Variants in BCO2 observed in about 807,000 individuals in gnomAD.
The protein encoded by BCO2 is carotenoid-cleaving dioxygenase, mitochondrial.
In BCO2, 56 loss-of-function variants were observed where a neutral mutation model predicts 65.8. The observed-to-expected ratio is 0.85, with a 90% CI of 0.69 to 1.06. BCO2 has a LOEUF of 1.06. Ranked by LOEUF, BCO2 falls within the 50% of genes least tolerant of loss-of-function variation. The pLI is 0.00. For synonymous variants in BCO2, 233 were observed against 242.3 expected, an observed-to-expected ratio of 0.96 and a Z score of 0.36; for missense variants, 675 against 698.5, an observed-to-expected ratio of 0.97 and a Z score of 0.38.
intron 2 of BCO2, among the ~76,000 whole-genome samples, chr11:112,188,221 ACCAG>A (rs1484265997): frequency 1.3e-5 from 2 of 152,182 alleles, no homozygotes; most frequent in Non-Finnish European, 2.9e-5. Context: ...TTAAAGCATC[ACCAG>A]CCAGCCAGTC....
intron 6 of BCO2, chr11:112,200,267 GA>G: frequency 5.3e-6 from 1 of 188,704 alleles, no homozygotes; most frequent in Non-Finnish European, 1.1e-5. Context: ...GTATAAGCAG[GA>G]AAAGGATTAA....
chr11:112,214,395 C>T (rs768703931), intron 9 of BCO2, among the ~76,000 whole-genome samples: 3 of 152,062 alleles, frequency 2.0e-5, no homozygotes, highest in Non-Finnish European at 2.9e-5. Context: ...GTAATCCGCC[C>T]GCCTCAGCCT....
At chr11:112,197,891 T>A (rs899106480) in intron 5 of BCO2, among the ~76,000 whole-genome samples, 1 of 152,232 alleles carries the variant, frequency 6.6e-6, no homozygotes, top group African/African-American at 2.4e-5. Flanking sequence ...TGAGAACTTT[T>A]GCATTTGCTC....
At chr11:112,196,940 C>CCCTTT (rs1171347620) in intron 5 of BCO2, among the ~76,000 whole-genome samples, 3 of 148,846 alleles carry the variant, frequency 2.0e-5, no homozygotes, top group African/African-American at 7.4e-5. Flanking sequence ...CCCTTCCCTT[C>CCCTTT]CCTTCCCTTC....
chr11:112,187,145 T>G (rs1267827811), intron 2 of BCO2, among the ~76,000 whole-genome samples: 1 of 152,228 alleles, frequency 6.6e-6, no homozygotes, highest in Non-Finnish European at 1.5e-5. Context: ...AAACTTATTT[T>G]TTTCATTCCA....
chr11:112,207,731 A>G (rs1256750154), intron 8 of BCO2, among the ~76,000 whole-genome samples: 2 of 152,214 alleles, frequency 1.3e-5, no homozygotes, highest in East Asian at 1.9e-4. Flanking sequence ...CAATGTATCA[A>G]TTTGAGAGAG....
chr11:112,211,349 C>T (rs1326471175), intron 8 of BCO2, among the ~76,000 whole-genome samples: 1 of 137,622 alleles, frequency 7.3e-6, no homozygotes, highest in African/African-American at 2.6e-5. Context: ...CACACACACA[C>T]ACAATATTTG....
At chr11:112,190,275 C>T (rs1458781540) in intron 2 of BCO2, among the ~76,000 whole-genome samples, 1 of 151,982 alleles carries the variant, frequency 6.6e-6, no homozygotes, top group Admixed American at 6.6e-5. Flanking sequence ...CAGAACAAGA[C>T]CCTGTCTCTT....
At position 112,217,837 on chromosome 11, in the gene BCO2, T is replaced by C. The variant is rs769751190; in HGVS notation, c.1703T>C (p.Met568Thr). The change falls in exon 12 of 12, where the codon ATG becomes ACG. Residue 568 changes from methionine to threonine, a missense_variant. Coordinates refer to ENST00000357685, the MANE Select transcript of BCO2 (RefSeq NM_031938.7). ...GGCCGAGCAGAGGTACCTGTGCAGA[T>C]GCCTTATGGGTTCCATGGTACCTTC... is the stretch of plus-strand genomic sequence containing the variant. The part of the protein sequence containing the change: ...ELGRAEVPVQ[M>T]PYGFHGTFIP... 18 of 1,614,130 alleles carry C rather than the reference T, an allele frequency of 1.1e-5. No homozygotes were observed. The highest frequency in any genetic ancestry group is 1.6e-4 in the Middle Eastern group (1 of 6,062).
chr11:112,208,134 A>AT (rs1859399863), intron 8 of BCO2, among the ~76,000 whole-genome samples: 3 of 151,410 alleles, frequency 2.0e-5, no homozygotes, highest in Admixed American at 1.3e-4. Flanking sequence ...TAATTTTCAT[A>AT]TTTTTTTGGT....
Position 112,214,748 on chromosome 11 carries a change from GA to G in BCO2, c.1333-11del. The G allele has an allele frequency of 6.2e-7, 1 of 1,607,142 alleles. No homozygotes were observed. The highest frequency in any genetic ancestry group is 8.5e-7 in the Non-Finnish European group (1 of 1,174,858). ...TTAAGCAACCACTACAAATCCTTTT[GA>G]AATCTCTTTTAGATCTGGTGCTCTC... On this transcript the variant is annotated splice_polypyrimidine_tract_variant and intron_variant, in intron 9 of 11. Coordinates refer to ENST00000357685, the MANE Select transcript of BCO2 (RefSeq NM_031938.7).
At chr11:112,197,086 T>C (rs1415497480) in intron 5 of BCO2, among the ~76,000 whole-genome samples, 1 of 152,134 alleles carries the variant, frequency 6.6e-6, no homozygotes, top group Admixed American at 6.6e-5. Context: ...CAAGACATCC[T>C]CCCAGGCAGC....
chr11:112,217,141 A>C (rs903508350), intron 11 of BCO2, among the ~76,000 whole-genome samples: 1 of 152,270 alleles, frequency 6.6e-6, no homozygotes, highest in African/African-American at 2.4e-5. Context: ...GAAAGGCACA[A>C]GCAAAAATAT....
chr11:112,192,655 A>T (rs537865757), intron 2 of BCO2, among the ~76,000 whole-genome samples: 1 of 150,532 alleles, frequency 6.6e-6, no homozygotes, highest in African/African-American at 2.4e-5. Flanking sequence ...AAAGCTTAGG[A>T]ACTTGTTCTT....
chr11:112,209,203 A>C (rs868329400), intron 8 of BCO2, among the ~76,000 whole-genome samples: 2 of 152,188 alleles, frequency 1.3e-5, no homozygotes, highest in Non-Finnish European at 2.9e-5. Flanking sequence ...TATCATACAG[A>C]ATAGTTCACT....
In BCO2 at chr11:112,194,730, T is replaced by C. The variant is rs966838184; in HGVS notation, c.711T>C (p.Asn237=). 6.2e-7 allele frequency: 1 copy of C among 1,609,202 alleles called. No homozygotes were observed. The highest frequency in any genetic ancestry group is 1.7e-4 in the Middle Eastern group (1 of 6,052). ...PHYDLDGTAY[N]MGNSFGPYGF... is the part of the protein sequence containing the mutation. ...ATGACCTGGATGGAACAGCATACAA[T>C]ATGGGGAACTCCTTTGGGCCATATG... Residue 237 remains asparagine, a synonymous_variant, in exon 5 of 12, where the codon AAT becomes AAC. Transcript: ENST00000357685.
At chr11:112,190,078 G>A (rs191064361) in intron 2 of BCO2, among the ~76,000 whole-genome samples, 1 of 151,802 alleles carries the variant, frequency 6.6e-6, no homozygotes, top group African/African-American at 2.4e-5. Flanking sequence ...TTGAGGCCAG[G>A]AGCTTGAGAT....
At chr11:112,207,888 T>G (rs1859390824) in intron 8 of BCO2, among the ~76,000 whole-genome samples, 1 of 97,876 alleles carries the variant, frequency 1.0e-5, no homozygotes, top group Non-Finnish European at 2.9e-5. Flanking sequence ...TATTCCTAGG[T>G]TTTTTTTTTA....
At chr11:112,183,247 T>C (rs1867106145) in intron 2 of BCO2, 3 of 748,546 alleles carry the variant, frequency 4.0e-6, no homozygotes, top group Non-Finnish European at 2.4e-6. Flanking sequence ...CCTTATCACT[T>C]TTCTTTCTCC....
Sources: gnomAD v4.1 joint callset for allele counts (sites outside exome capture counted in the v4.1 genomes callset) on GRCh38, gnomAD v4.1.1 for gene constraint, MANE v1.5 for transcripts, NCBI Gene and HGNC (gene_info 2026-07-23, HGNC 2026-07-21) for gene names.